The following EAPP variants were observed in gnomAD, a reference collection of about 807,000 sequenced individuals.
EAPP encodes the protein E2F-associated phosphoprotein.
EAPP carries 38 observed loss-of-function variants against 34.3 expected under a neutral mutation model. That is an observed-to-expected ratio of 1.11 (90% CI 0.85 to 1.45). EAPP has a LOEUF of 1.45. EAPP is among the 40% of genes most tolerant of loss of function. The pLI is 0.00. For synonymous variants in EAPP, 113 were observed against 117.6 expected, an observed-to-expected ratio of 0.96 and a Z score of 0.25; for missense variants, 338 against 343.7, an observed-to-expected ratio of 0.98 and a Z score of 0.13.
chr14:34,519,830 G>T (rs1470738174), intron 5 of EAPP, among the ~76,000 whole-genome samples: 2 of 141,698 alleles, frequency 1.4e-5, no homozygotes, highest in East Asian at 4.0e-4. Flanking sequence ...TTGCATTATG[G>T]TTATCATGAA....
chr14:34,515,978 T>A lies in EAPP; in HGVS notation c.*332A>T. 4.4e-6 allele frequency: 1 copy of A among 225,970 alleles called. No homozygotes were observed. The allele number at this position is 225,970 out of a possible 1,614,324, so 14.0% of individuals were successfully genotyped here. A position where few individuals can be genotyped will look rare whatever the true frequency, so the allele number is the denominator to read the frequency against. ...CCAGTTTAATTACATCAAAGCTATA[T>A]CCAAAATAAAAATAACACTCAGAAA... On this transcript the variant is annotated 3_prime_UTR_variant, in exon 6 of 6. Transcript: ENST00000250454.
chr14:34,533,798 C>G lies in EAPP; in HGVS notation c.257-259G>C, dbSNP rs187181716. Among the ~76,000 whole-genome samples the G allele has an allele frequency of 7.8e-4, 118 of 152,162 alleles. No homozygotes were observed. The Middle Eastern group carries it at 0.02, about 26-fold the overall frequency. On this transcript the variant is annotated intron_variant, in intron 2 of 5. Transcript: ENST00000250454. ...CCACAAATCTCATTAAATAAAATAG[C>G]GATATTTTCAGGTTGCCAGCACACA...
At chr14:34,523,105 C>G (rs548190707) in intron 5 of EAPP, among the ~76,000 whole-genome samples, 12 of 152,228 alleles carry the variant, frequency 7.9e-5, no homozygotes, top group Non-Finnish European at 1.5e-4. Context: ...GCCCTAGAAA[C>G]TGTCTCCTCC....
intron 3 of EAPP, among the ~76,000 whole-genome samples, chr14:34,530,904 C>CAAAAAAAAA (rs780101001): frequency 5.4e-4 from 30 of 55,140 alleles, no homozygotes; most frequent in East Asian, 1.5e-3. Context: ...CAATCTTTAC[C>CAAAAAAAAA]AAAAAAAAAA....
At chr14:34,517,023 C>T (rs868476474) in intron 5 of EAPP, among the ~76,000 whole-genome samples, 28 of 150,632 alleles carry the variant, frequency 1.9e-4, no homozygotes, top group African/African-American at 6.1e-4. Context: ...CTGCAAGCTC[C>T]GTCTCCTGGG....
intron 3 of EAPP, among the ~76,000 whole-genome samples, chr14:34,532,317 G>A (rs375679969): frequency 2.0e-5 from 3 of 152,116 alleles, no homozygotes; most frequent in African/African-American, 7.2e-5. Context: ...AAATTAGCCA[G>A]GCATGGCGAC....
At chr14:34,537,709 T>C (rs72673463) in intron 1 of EAPP, among the ~76,000 whole-genome samples, 3,823 of 152,310 alleles carry the variant, frequency 0.025, 59 homozygotes, top group Middle Eastern at 0.054. Context: ...ACCCACTGAA[T>C]GTGCAGCATT....
chr14:34,536,457 AATTTTTT>A, intron 1 of EAPP, 182 bp from the exon 2 acceptor site: 1 of 312,090 alleles, frequency 3.2e-6, no homozygotes, highest in Non-Finnish European at 5.4e-6. Flanking sequence ...AATCTTCTTT[AATTTTTT>A]TTTTTTTTTT....
chr14:34,523,260 C>T lies in EAPP; in HGVS notation c.581+1437G>A, dbSNP rs534302039. 4.3e-3 allele frequency among the ~76,000 whole-genome samples: 614 copies of T among 141,568 alleles called. 1 individual carries two copies. Among genetic ancestry groups the T allele is most frequent in the African/African-American group, 0.014 (538 of 39,034 alleles). 92.9% of individuals were successfully genotyped at this position (141,568 alleles called of 152,430 possible). ...ATACCTTTTTTTTTTTTTTTTGAGA[C>T]GGAGTCTCGCTCTGTTGCCCAGGCT... On this transcript the variant is annotated intron_variant, in intron 5 of 5. Coordinates refer to ENST00000250454, the MANE Select transcript of EAPP (RefSeq NM_018453.4).
At chr14:34,526,990 G>A (rs1470297232) in intron 4 of EAPP, among the ~76,000 whole-genome samples, 1 of 151,866 alleles carries the variant, frequency 6.6e-6, no homozygotes, top group African/African-American at 2.4e-5. Context: ...GACCAACATG[G>A]AGAAACCCCA....
Position 34,516,186 on chromosome 14 carries a change from C to A in EAPP, c.*124G>T, listed in dbSNP as rs528803880. 8 of 930,048 alleles carry A rather than the reference C, an allele frequency of 8.6e-6. No homozygotes were observed. The highest frequency in any genetic ancestry group is 7.6e-5 in the South Asian group (4 of 52,678). The allele number at this position is 930,048 out of a possible 1,614,324, so 57.6% of individuals were successfully genotyped here. ...AGATGAATGAAGGTTGACAACTATT[C>A]TCCTTTAAAAAGAGAAACACTGCTT... On this transcript the variant is annotated 3_prime_UTR_variant, in exon 6 of 6. Coordinates refer to ENST00000250454, the MANE Select transcript of EAPP (RefSeq NM_018453.4).
chr14:34,520,671 T>G (rs1336901229), intron 5 of EAPP, among the ~76,000 whole-genome samples: 1 of 152,052 alleles, frequency 6.6e-6, no homozygotes, highest in Non-Finnish European at 1.5e-5. Flanking sequence ...TCAGCTAATT[T>G]TTTAATATTT....
chr14:34,526,568 T>TAA (rs1008428032), intron 4 of EAPP, among the ~76,000 whole-genome samples: 1 of 128,038 alleles, frequency 7.8e-6, no homozygotes, highest in African/African-American at 2.9e-5. Flanking sequence ...TATAAGAAAA[T>TAA]AAAAAAAAAA....
chr14:34,529,391 C>T lies in EAPP; in HGVS notation c.437G>A (p.Arg146Lys), dbSNP rs1333612794. 5.0e-6 allele frequency: 8 copies of T among 1,613,158 alleles called. No individual in the cohort carries two copies. The highest frequency in any genetic ancestry group is 6.8e-6 in the Non-Finnish European group (8 of 1,179,640). ...ELLYDPEKDN[R>K]DQAWVDAQRR... Reference sequence around the variant, plus strand: ...CTGTGCATCAACCCAGGCCTGATCTCTGTTATCTTTTTCAGGATCATACAG... The same window carrying T: ...CTGTGCATCAACCCAGGCCTGATCTTTGTTATCTTTTTCAGGATCATACAG... The change falls in exon 4 of 6, where the codon AGA becomes AAA. Residue 146 changes from arginine (R) to lysine (K), a missense_variant. Physicochemically the swap from Arg to Lys is conservative, Grantham distance 26 (BLOSUM62 2). Transcript: ENST00000250454.
intron 2 of EAPP, among the ~76,000 whole-genome samples, chr14:34,535,277 G>A (rs1314984526): frequency 1.0e-4 from 15 of 148,426 alleles, no homozygotes; most frequent in Admixed American, 9.4e-4. Flanking sequence ...CTGCAGGCAC[G>A]TGCCACCACA....
chr14:34,539,497 C>T (rs751244003), intron 1 of EAPP, 58 bp downstream of exon 1: 1 of 1,558,884 alleles, frequency 6.4e-7, no homozygotes, highest in Non-Finnish European at 8.7e-7. Flanking sequence ...CGAATGGAGG[C>T]GACCAAAGCC....
At chr14:34,518,302 C>G (rs1879802507) in intron 5 of EAPP, among the ~76,000 whole-genome samples, 1 of 137,590 alleles carries the variant, frequency 7.3e-6, no homozygotes, top group Non-Finnish European at 1.5e-5. Flanking sequence ...AATACTAATA[C>G]TGTATTGTAT....
In EAPP at chr14:34,516,383, C is replaced by T. The variant is rs768475108; in HGVS notation, c.785G>A (p.Cys262Tyr). Reference sequence around the variant, plus strand: ...GTCGTAGACTGCCACTTCAGTGGAACATTCAGTGCACATGACTGGGTGATA... The same window carrying T: ...GTCGTAGACTGCCACTTCAGTGGAATATTCAGTGCACATGACTGGGTGATA... ...EIYHPVMCTE[C>Y]STEVAVYDKD... Residue 262 changes from cysteine (C) to tyrosine (Y), a missense_variant, in exon 6 of 6, where the codon TGT (cysteine) becomes TAT (tyrosine). Cys to Tyr is a radical substitution (Grantham distance 194, BLOSUM62 -2). Transcript: ENST00000250454. 6.2e-7 allele frequency: 1 copy of T among 1,614,058 alleles called. No homozygotes were observed. Among genetic ancestry groups the T allele is most frequent in the South Asian group, 1.1e-5 (1 of 91,072 alleles).
At chr14:34,539,209 A>G (rs1880574314) in intron 1 of EAPP, 1 of 458,896 alleles carries the variant, frequency 2.2e-6, no homozygotes, top group East Asian at 4.6e-5. Flanking sequence ...CAATTATGTT[A>G]TTATAGTTCA....
Sources: gnomAD v4.1 joint callset for allele counts (sites outside exome capture counted in the v4.1 genomes callset) on GRCh38, gnomAD v4.1.1 for gene constraint, MANE v1.5 for transcripts, NCBI Gene and HGNC (gene_info 2026-07-23, HGNC 2026-07-21) for gene names.